The following ARL15 variants were observed in gnomAD, a reference collection of about 807,000 sequenced individuals.
The protein encoded by ARL15 is ADP-ribosylation factor-like protein 15.
In ARL15, 19 loss-of-function variants were observed where a neutral mutation model predicts 25.2. The observed-to-expected ratio is 0.75, with a 90% confidence interval of 0.53 to 1.10. The LOEUF (loss-of-function observed/expected upper bound fraction) is 1.10. ARL15 is among the 50% of genes least tolerant of loss of function. The probability of loss-of-function intolerance (pLI) is 0.00; values close to 1 mark genes in which losing one functional copy is unlikely to be tolerated. For missense variants in ARL15, 220 were observed against 246.0 expected, an observed-to-expected ratio of 0.89 and a Z score of 0.71; for synonymous variants, 94 against 86.8, an observed-to-expected ratio of 1.08 and a Z score of -0.46.
At position 54,307,474 on chromosome 5, in the gene ARL15, C is replaced by A. The variant is rs573893258; in HGVS notation, c.48+2958G>T. On this transcript the variant is annotated intron_variant, in intron 1 of 4. Coordinates refer to ENST00000504924, the MANE Select transcript of ARL15 (RefSeq NM_019087.3). ...CTAATTGATTAGGATTAGCAAATTT[C>A]TATTCTTTCTCTCGACTGAAATCAA... is the stretch of plus-strand genomic sequence containing the variant. 5.3e-5 allele frequency among the ~76,000 whole-genome samples: 8 copies of A among 152,274 alleles called. No individual in the cohort carries two copies. In the South Asian group the frequency reaches 1.7e-3, roughly 32 times the overall value.
At chr5:54,276,780 G>A (rs1488620356) in intron 1 of ARL15, among the ~76,000 whole-genome samples, 1 of 152,228 alleles carries the variant, frequency 6.6e-6, no homozygotes, top group Non-Finnish European at 1.5e-5. Flanking sequence ...CAGAGTCATA[G>A]AGGAGATGTG....
chr5:54,093,431 C>A (rs555141176), intron 4 of ARL15, among the ~76,000 whole-genome samples: 110 of 152,178 alleles, frequency 7.2e-4, no homozygotes, highest in African/African-American at 2.6e-3. Flanking sequence ...GTGACAGAGC[C>A]TGCTCATTCT....
intron 4 of ARL15, among the ~76,000 whole-genome samples, chr5:54,029,045 C>T (rs117757984): frequency 3.3e-5 from 5 of 151,662 alleles, no homozygotes; most frequent in Non-Finnish European, 5.9e-5. Context: ...AAAAAAATTA[C>T]GAAGAATTCA....
At chr5:53,977,637 T>C (rs1423280629) in intron 4 of ARL15, among the ~76,000 whole-genome samples, 5 of 152,210 alleles carry the variant, frequency 3.3e-5, no homozygotes, top group Non-Finnish European at 7.3e-5. Context: ...TTGACCCTGC[T>C]GATAGAAGAT....
At chr5:54,126,988 T>A (rs1394942675) in intron 3 of ARL15, among the ~76,000 whole-genome samples, 1 of 152,192 alleles carries the variant, frequency 6.6e-6, no homozygotes, top group East Asian at 1.9e-4. Flanking sequence ...CTCCTAAAGC[T>A]ATCCCTCCCC....
intron 4 of ARL15, among the ~76,000 whole-genome samples, chr5:53,997,376 C>A (rs1748715388): frequency 6.6e-6 from 1 of 152,162 alleles, no homozygotes; most frequent in Non-Finnish European, 1.5e-5. Context: ...AGTCTCTCTG[C>A]TGCCCTATCA....
At chr5:54,277,234 C>A (rs1436205206) in intron 1 of ARL15, among the ~76,000 whole-genome samples, 1 of 151,714 alleles carries the variant, frequency 6.6e-6, no homozygotes, top group Admixed American at 6.6e-5. Flanking sequence ...TGCCTTTTTA[C>A]TGTAATCACA....
intron 1 of ARL15, among the ~76,000 whole-genome samples, chr5:54,177,690 C>T (rs1329857106): frequency 2.0e-5 from 3 of 152,190 alleles, no homozygotes; most frequent in African/African-American, 7.2e-5. Flanking sequence ...TTGTACATTT[C>T]ATTTTCCTCT....
chr5:54,205,358 C>T (rs557356196), intron 1 of ARL15, among the ~76,000 whole-genome samples: 31 of 152,254 alleles, frequency 2.0e-4, no homozygotes, highest in African/African-American at 7.0e-4. Context: ...GTCTAATCTG[C>T]TTTCAAAACA....
chr5:54,030,937 T>G (rs886241754), intron 4 of ARL15, among the ~76,000 whole-genome samples: 1 of 152,096 alleles, frequency 6.6e-6, no homozygotes, highest in African/African-American at 2.4e-5. Context: ...CATGTTAAAT[T>G]TAAGAAGAGA....
chr5:53,987,317 G>A (rs1231746533), intron 4 of ARL15, among the ~76,000 whole-genome samples: 1 of 151,982 alleles, frequency 6.6e-6, no homozygotes, highest in African/African-American at 2.4e-5. Context: ...CCATCTGGCC[G>A]GGGGTGGGGT....
intron 4 of ARL15, among the ~76,000 whole-genome samples, chr5:54,003,708 CTATCTAT>C (rs1748926999): frequency 7.3e-6 from 1 of 136,358 alleles, no homozygotes; most frequent in Admixed American, 7.6e-5. Flanking sequence ...ATCTATCTAT[CTATCTAT>C]CTCTACTTTG....
chr5:53,977,951 G>A (rs1362007718), intron 4 of ARL15, among the ~76,000 whole-genome samples: 1 of 151,326 alleles, frequency 6.6e-6, no homozygotes, highest in African/African-American at 2.4e-5. Flanking sequence ...CCACTTAAAT[G>A]GAAGGTCTGA....
At chr5:54,269,878 C>T (rs1757735862) in intron 1 of ARL15, among the ~76,000 whole-genome samples, 1 of 152,176 alleles carries the variant, frequency 6.6e-6, no homozygotes, top group Non-Finnish European at 1.5e-5. Flanking sequence ...AACGCCTGAC[C>T]TCCTGATCCA....
At chr5:53,895,968 T>C (rs554252053) in intron 4 of ARL15, among the ~76,000 whole-genome samples, 2 of 152,370 alleles carry the variant, frequency 1.3e-5, no homozygotes, top group East Asian at 3.9e-4. Flanking sequence ...CAGTTTGATC[T>C]ATGTGTAACA....
intron 1 of ARL15, among the ~76,000 whole-genome samples, chr5:54,252,497 A>G (rs988023746): frequency 1.3e-5 from 2 of 152,240 alleles, no homozygotes; most frequent in Admixed American, 6.5e-5. Flanking sequence ...TAATAAAGAT[A>G]CCATGCATTT....
chr5:53,981,338 A>G (rs2111595244), intron 4 of ARL15, among the ~76,000 whole-genome samples: 1 of 152,302 alleles, frequency 6.6e-6, no homozygotes, highest in African/African-American at 2.4e-5. Flanking sequence ...ATTAAATTTT[A>G]TCCCAGTGCA....
chr5:54,254,852 A>G (rs574695119), intron 1 of ARL15, among the ~76,000 whole-genome samples: 1 of 152,378 alleles, frequency 6.6e-6, no homozygotes, highest in African/African-American at 2.4e-5. Context: ...AAATCATATT[A>G]GTGAAGGTTG....
intron 1 of ARL15, among the ~76,000 whole-genome samples, chr5:54,195,366 A>C (rs545057652): frequency 6.6e-6 from 1 of 152,316 alleles, no homozygotes; most frequent in East Asian, 1.9e-4. Context: ...GAGAATTTTA[A>C]AAGGTTACAA....
Sources: gnomAD v4.1 joint callset for allele counts (sites outside exome capture counted in the v4.1 genomes callset) on GRCh38, gnomAD v4.1.1 for gene constraint, MANE v1.5 for transcripts, NCBI Gene and HGNC (gene_info 2026-07-23, HGNC 2026-07-21) for gene names.